Variants in MAN2A1 observed in about 807,000 individuals in gnomAD.
The protein encoded by MAN2A1 is mannosidase alpha class 2A member 1, also known as alpha-mannosidase 2.
A neutral mutation model predicts 142.6 loss-of-function variants in MAN2A1; 76 were observed. That is an observed-to-expected ratio of 0.53 (90% confidence interval 0.44 to 0.65). The LOEUF (loss-of-function observed/expected upper bound fraction) is 0.65. Ranked by LOEUF, MAN2A1 falls within the 30% of genes least tolerant of loss-of-function variation. The pLI is 0.00. For missense variants in MAN2A1, 1,311 were observed against 1,365.1 expected (o/e 0.96, Z 0.62); for synonymous variants, 559 against 473.2 (o/e 1.18, Z -2.35).
chr5:109,839,280 G>A (rs1406082551), intron 16 of MAN2A1, among the ~76,000 whole-genome samples: 1 of 152,124 alleles, frequency 6.6e-6, no homozygotes, highest in African/African-American at 2.4e-5. Flanking sequence ...AACTATTTTG[G>A]TTAATGTAAG....
Position 109,810,581 on chromosome 5 carries a change from G to A in MAN2A1, c.1944-6692G>A, listed in dbSNP as rs996529062. On this transcript the variant is annotated intron_variant, in intron 12 of 21. Coordinates refer to ENST00000261483, the MANE Select transcript of MAN2A1 (RefSeq NM_002372.4). ...TGAAAAAATCAACTGTGTACCTGAA[G>A]CCTCCCAAAGTCTCCACAAAATGCT... Among the ~76,000 whole-genome samples the A allele has an allele frequency of 2.0e-5, 3 of 152,234 alleles. No homozygotes were observed. The East Asian group carries it at 5.8e-4, about 29-fold the overall frequency.
chr5:109,750,470 A>G (rs1259169528), intron 4 of MAN2A1, among the ~76,000 whole-genome samples: 1 of 152,116 alleles, frequency 6.6e-6, no homozygotes, highest in Non-Finnish European at 1.5e-5. Context: ...TGATTATTCT[A>G]CCAGGTATCA....
At chr5:109,702,007 C>T (rs12515362) in intron 1 of MAN2A1, among the ~76,000 whole-genome samples, 1 of 152,208 alleles carries the variant, frequency 6.6e-6, no homozygotes, top group Non-Finnish European at 1.5e-5. Flanking sequence ...TCAGCATAGC[C>T]GAGAATGAAT....
intron 9 of MAN2A1, among the ~76,000 whole-genome samples, chr5:109,782,356 G>A (rs1397302576): frequency 6.6e-6 from 1 of 151,972 alleles, no homozygotes; most frequent in Non-Finnish European, 1.5e-5. Flanking sequence ...TGTGACTATT[G>A]AGCACTTGAA....
At chr5:109,784,013 A>G (rs1753531809) in intron 9 of MAN2A1, among the ~76,000 whole-genome samples, 1 of 151,912 alleles carries the variant, frequency 6.6e-6, no homozygotes, top group South Asian at 2.1e-4. Flanking sequence ...CTATAGGTGC[A>G]TGTCACTACA....
intron 12 of MAN2A1, among the ~76,000 whole-genome samples, chr5:109,802,450 C>G (rs1754056221): frequency 6.6e-6 from 1 of 152,084 alleles, no homozygotes; most frequent in African/African-American, 2.4e-5. Flanking sequence ...TTGGATTTCA[C>G]AGTTTAGAGA....
intron 4 of MAN2A1, among the ~76,000 whole-genome samples, chr5:109,732,575 G>A (rs200390413): frequency 0.43 from 65,089 of 150,252 alleles, 15,125 homozygotes; most frequent in African/African-American, 0.61. Context: ...TCAGCTTTCT[G>A]CTTATGGCTA....
At position 109,759,241 on chromosome 5, in the gene MAN2A1, C is replaced by A. The variant is rs138552345; in HGVS notation, c.835+3785C>A. On this transcript the variant is annotated intron_variant, in intron 5 of 21. Transcript: ENST00000261483. The stretch of plus-strand genomic sequence containing the variant: ...GTAGATCATCGTTAATTTCTTTCAA[C>A]AGTGTTTTATAGCTTTCAGTGTAAA... Among the ~76,000 whole-genome samples, 371 of 152,224 alleles carry A rather than the reference C, an allele frequency of 2.4e-3. 2 individuals carry two copies. The highest frequency in any genetic ancestry group is 8.7e-3 in the African/African-American group (362 of 41,562).
chr5:109,695,139 C>G (rs951392482), intron 1 of MAN2A1, among the ~76,000 whole-genome samples: 19 of 152,166 alleles, frequency 1.2e-4, no homozygotes, highest in African/African-American at 4.1e-4. Flanking sequence ...TCACTAAGAC[C>G]CAAACTTATT....
intron 16 of MAN2A1, among the ~76,000 whole-genome samples, chr5:109,835,093 A>G (rs1488264553): frequency 6.6e-6 from 1 of 152,220 alleles, no homozygotes; most frequent in Non-Finnish European, 1.5e-5. Context: ...ATTAAGCAGT[A>G]TATGTTAATT....
At chr5:109,860,870 T>A (rs543670189) in intron 20 of MAN2A1, among the ~76,000 whole-genome samples, 1 of 152,380 alleles carries the variant, frequency 6.6e-6, no homozygotes, top group East Asian at 1.9e-4. Flanking sequence ...GTTTTATCTC[T>A]GCTGGAACCA....
intron 12 of MAN2A1, among the ~76,000 whole-genome samples, chr5:109,809,189 T>A (rs1018757813): frequency 1.3e-5 from 2 of 152,184 alleles, no homozygotes; most frequent in African/African-American, 4.8e-5. Flanking sequence ...CATCAAGTTA[T>A]TTTTCTCTTC....
At chr5:109,789,638 T>C (rs1582899340) in intron 12 of MAN2A1, 111 bp downstream of exon 12, 1 of 691,524 alleles carries the variant, frequency 1.4e-6, no homozygotes. Flanking sequence ...ATTTATTAAT[T>C]AAAAAACTCC....
At chr5:109,822,055 A>G (rs570684254) in intron 15 of MAN2A1, among the ~76,000 whole-genome samples, 1 of 151,638 alleles carries the variant, frequency 6.6e-6, no homozygotes, top group Non-Finnish European at 1.5e-5. Context: ...AAGTTATGAA[A>G]CCTGCTAACT....
In MAN2A1 at chr5:109,865,061, C is replaced by T. The variant is rs1755845470; in HGVS notation, c.3197C>T (p.Ala1066Val). The T allele has an allele frequency of 1.2e-6, 2 of 1,613,862 alleles. No homozygotes were observed. The change falls in exon 21 of 22, where the codon GCA (alanine) becomes GTA (valine). Residue 1066 changes from alanine to valine, a missense_variant. Physicochemically the swap from Ala to Val is moderately conservative, Grantham distance 64. This residue lies in a region of MAN2A1 where 890 missense variants were observed against 920.5 expected (regional missense o/e 0.97). Coordinates refer to ENST00000261483, the MANE Select transcript of MAN2A1 (RefSeq NM_002372.4). ...SKVGNGHSNEAALILHRKGFD... is the reference protein window; with the variant it reads ...SKVGNGHSNEVALILHRKGFD... ...GTGGGCAATGGGCACTCCAATGAGGCAGCCTTGATCCTCCACAGAAAAGGG... is the reference window on the plus strand; with the variant it reads ...GTGGGCAATGGGCACTCCAATGAGGTAGCCTTGATCCTCCACAGAAAAGGG...
At chr5:109,695,264 C>G (rs1404388156) in intron 1 of MAN2A1, among the ~76,000 whole-genome samples, 1 of 152,082 alleles carries the variant, frequency 6.6e-6, no homozygotes, top group Non-Finnish European at 1.5e-5. Flanking sequence ...CCCAGATGAA[C>G]ACTGTTATCA....
At chr5:109,738,319 A>T (rs1752167105) in intron 4 of MAN2A1, among the ~76,000 whole-genome samples, 2 of 151,104 alleles carry the variant, frequency 1.3e-5, no homozygotes. Flanking sequence ...CACTTCCCGA[A>T]CGTCTACTAT....
chr5:109,780,167 C>T (rs1753416373), intron 8 of MAN2A1, among the ~76,000 whole-genome samples: 1 of 152,136 alleles, frequency 6.6e-6, no homozygotes, highest in Non-Finnish European at 1.5e-5. Flanking sequence ...ACGCCATTCT[C>T]CTGCCTCAGC....
Position 109,690,071 on chromosome 5 carries a change from A to C in MAN2A1, c.-347A>C. ...CTCAGTTGGGGCGGCGGTGGCAGGAAGTGCGGGCAGCGACCTCTCCTCCGC... is the reference window on the plus strand; with the variant it reads ...CTCAGTTGGGGCGGCGGTGGCAGGACGTGCGGGCAGCGACCTCTCCTCCGC... On this transcript the variant is annotated 5_prime_UTR_variant, in exon 1 of 22. Coordinates refer to ENST00000261483, the MANE Select transcript of MAN2A1 (RefSeq NM_002372.4). 1 of 228,702 alleles carries C rather than the reference A, an allele frequency of 4.4e-6. No individual in the cohort carries two copies. Among genetic ancestry groups the C allele is most frequent in the Non-Finnish European group, 8.7e-6 (1 of 114,654 alleles). The allele number at this position is 228,702 out of a possible 1,614,324, so 14.2% of individuals were successfully genotyped here. A position where few individuals can be genotyped will look rare whatever the true frequency, so the allele number is the denominator to read the frequency against.
Sources: allele counts gnomAD v4.1 joint callset (sites outside exome capture counted in the v4.1 genomes callset), GRCh38; gene constraint gnomAD v4.1.1; regional missense constraint gnomAD v4.1.1; transcripts MANE v1.5; gene names NCBI Gene and HGNC (gene_info 2026-07-23, HGNC 2026-07-21).